The following SLC22A23 variants were observed in gnomAD, a reference collection of about 807,000 sequenced individuals.
The protein encoded by SLC22A23 is solute carrier family 22 member 23, also known as ion transporter protein.
Under a neutral mutation model 61.0 loss-of-function variants are expected in SLC22A23, and 26 were observed. The ratio of observed to expected loss-of-function variants is 0.43; its 90% CI spans 0.31 to 0.59. The LOEUF (loss-of-function observed/expected upper bound fraction) is 0.59, where lower values mean the gene tolerates loss of function less well. Ranked by LOEUF, SLC22A23 falls within the 20% of genes least tolerant of loss-of-function variation. SLC22A23 has a pLI of 0.11. For missense variants in SLC22A23, 796 were observed against 934.7 expected, an observed-to-expected ratio of 0.85 and a Z score of 1.94; for synonymous variants, 430 against 413.9, an observed-to-expected ratio of 1.04 and a Z score of -0.47.
At position 3,271,565 on chromosome 6, in the gene SLC22A23, T is replaced by A. The variant is rs1325296006; in HGVS notation, c.*1490A>T. ...GTCTCACCCAGGCCCGAGACCACAA[T>A]TTCCCTGGAAGGACACAGCCCATGG... On this transcript the variant is annotated 3_prime_UTR_variant, in exon 10 of 10. Coordinates refer to ENST00000406686, the MANE Select transcript of SLC22A23 (RefSeq NM_015482.2). The A allele has an allele frequency of 6.6e-6, 1 of 152,330 alleles. No individual in the cohort carries two copies. Among genetic ancestry groups the A allele is most frequent in the Non-Finnish European group, 1.5e-5 (1 of 68,050 alleles). 9.4% of individuals were successfully genotyped at this position (152,330 alleles called of 1,614,324 possible).
intron 3 of SLC22A23, among the ~76,000 whole-genome samples, chr6:3,403,797 C>T (rs1768605611): frequency 6.6e-6 from 1 of 152,186 alleles, no homozygotes; most frequent in African/African-American, 2.4e-5. Context: ...AATAGTTTTC[C>T]ATTTGTTTTG....
chr6:3,294,935 T>C (rs913497767), intron 5 of SLC22A23, among the ~76,000 whole-genome samples: 4 of 152,248 alleles, frequency 2.6e-5, no homozygotes, highest in African/African-American at 9.6e-5. Context: ...GCAGCCCCAC[T>C]GGACCCCTAC....
Position 3,415,979 on chromosome 6 carries a change from T to C in SLC22A23, c.655-124A>G, listed in dbSNP as rs1769670229. Reference sequence around the variant, plus strand: ...GCACCGTTGCCAGTACCATGCCATATACACCAGTCAGAGTCTCTTCCATGG... The same window carrying C: ...GCACCGTTGCCAGTACCATGCCATACACACCAGTCAGAGTCTCTTCCATGG... On this transcript the variant is annotated intron_variant, in intron 1 of 9. Transcript: ENST00000406686. 1.1e-5 allele frequency: 7 copies of C among 631,594 alleles called. No individual in the cohort carries two copies. In the South Asian group the frequency reaches 1.3e-4, roughly 12 times the overall value. The allele number at this position is 631,594 out of a possible 1,614,324, so 39.1% of individuals were successfully genotyped here. A position where few individuals can be genotyped will look rare whatever the true frequency, so the allele number is the denominator to read the frequency against.
At position 3,454,262 on chromosome 6, in the gene SLC22A23, T is replaced by A. The variant is rs1772287463; in HGVS notation, c.654+1644A>T. 6.6e-6 allele frequency among the ~76,000 whole-genome samples: 1 copy of A among 152,124 alleles called. No homozygotes were observed. Among genetic ancestry groups the A allele is most frequent in the Non-Finnish European group, 1.5e-5 (1 of 68,032 alleles). ...AAACTGCCCAGCTCTCCAATATGCCTCCATAGTCTGCTTTTAAGAACTATT... is the reference window on the plus strand; with the variant it reads ...AAACTGCCCAGCTCTCCAATATGCCACCATAGTCTGCTTTTAAGAACTATT... On this transcript the variant is annotated intron_variant, in intron 1 of 9. Coordinates refer to ENST00000406686, the MANE Select transcript of SLC22A23 (RefSeq NM_015482.2). The surrounding 1 kb of genome is among the most constrained non-coding windows in gnomAD (Gnocchi z 4.3).
intron 9 of SLC22A23, among the ~76,000 whole-genome samples, chr6:3,274,476 G>A (rs182301506): frequency 7.9e-5 from 12 of 152,286 alleles, no homozygotes; most frequent in South Asian, 4.1e-4. Context: ...TGGGCTGCTC[G>A]TTAGGCACCC....
In SLC22A23 at chr6:3,289,491, C is replaced by A. The variant is rs545886731; in HGVS notation, c.1313+273G>T. Among the ~76,000 whole-genome samples, 11 of 152,348 alleles carry A rather than the reference C, an allele frequency of 7.2e-5. No homozygotes were observed. The South Asian group carries it at 2.3e-3, about 32-fold the overall frequency. On this transcript the variant is annotated intron_variant, in intron 6 of 9. Coordinates refer to ENST00000406686, the MANE Select transcript of SLC22A23 (RefSeq NM_015482.2). Reference sequence around the variant, plus strand: ...CCCCCACTGTGCCCCTGAGGAGGTGCGTCCATGTGCATCTTGGTTTCCTGG... The same window carrying A: ...CCCCCACTGTGCCCCTGAGGAGGTGAGTCCATGTGCATCTTGGTTTCCTGG...
intron 3 of SLC22A23, among the ~76,000 whole-genome samples, chr6:3,403,312 G>A (rs1348047798): frequency 1.3e-5 from 2 of 151,318 alleles, no homozygotes; most frequent in Admixed American, 1.3e-4. Context: ...GGTCGACTCA[G>A]CTTTTAGCTT....
chr6:3,413,344 C>CT (rs1482970112), intron 2 of SLC22A23, among the ~76,000 whole-genome samples: 2 of 152,184 alleles, frequency 1.3e-5, no homozygotes, highest in Non-Finnish European at 2.9e-5. Context: ...CCTGACCTCA[C>CT]TCTCTTCTCC....
At chr6:3,403,469 T>C (rs1271068726) in intron 3 of SLC22A23, among the ~76,000 whole-genome samples, 1 of 152,080 alleles carries the variant, frequency 6.6e-6, no homozygotes, top group Non-Finnish European at 1.5e-5. Context: ...GGCAAGGTTG[T>C]TGACATGAGG....
At chr6:3,279,850 G>A (rs149112641) in intron 9 of SLC22A23, among the ~76,000 whole-genome samples, 34 of 152,220 alleles carry the variant, frequency 2.2e-4, no homozygotes, top group Middle Eastern at 3.4e-3. Context: ...ATACCCACGG[G>A]ATATCTTTAT....
In SLC22A23 at chr6:3,327,953, A is replaced by G. The variant is rs1350947917; in HGVS notation, c.914-3951T>C. Reference sequence around the variant, plus strand: ...CTTGTGGTGTCATTTAGGTGCTCAAAAAGTTTCAGATTCTAGAGCATTTCA... The same window carrying G: ...CTTGTGGTGTCATTTAGGTGCTCAAGAAGTTTCAGATTCTAGAGCATTTCA... On this transcript the variant is annotated intron_variant, in intron 3 of 9. Coordinates refer to ENST00000406686, the MANE Select transcript of SLC22A23 (RefSeq NM_015482.2). The surrounding 1 kb of genome is among the most constrained non-coding windows in gnomAD (Gnocchi z 4.1). Among the ~76,000 whole-genome samples the G allele has an allele frequency of 6.6e-6, 1 of 152,144 alleles. No individual in the cohort carries two copies. Among genetic ancestry groups the G allele is most frequent in the Non-Finnish European group, 1.5e-5 (1 of 68,028 alleles).
At chr6:3,321,307 A>G (rs1762933225) in intron 4 of SLC22A23, among the ~76,000 whole-genome samples, 1 of 152,252 alleles carries the variant, frequency 6.6e-6, no homozygotes, top group African/African-American at 2.4e-5. Flanking sequence ...AGCTCTACCC[A>G]GACTGCAGAG....
At chr6:3,364,132 TAGAA>T (rs796502442) in intron 3 of SLC22A23, among the ~76,000 whole-genome samples, 9 of 152,364 alleles carry the variant, frequency 5.9e-5, no homozygotes, top group African/African-American at 2.2e-4. Context: ...TCAAAGGTAA[TAGAA>T]AGCTCATTAT....
chr6:3,404,877 C>T (rs912860247), intron 3 of SLC22A23, among the ~76,000 whole-genome samples: 2 of 151,908 alleles, frequency 1.3e-5, no homozygotes, highest in African/African-American at 4.8e-5. Flanking sequence ...AGAAAATGAC[C>T]AATGGAGAGA....
At chr6:3,417,152 T>G (rs139801393) in intron 1 of SLC22A23, among the ~76,000 whole-genome samples, 12 of 152,242 alleles carry the variant, frequency 7.9e-5, no homozygotes, top group African/African-American at 2.4e-4. Flanking sequence ...TGTCAGTGGA[T>G]GCAGGGAAAG....
chr6:3,374,652 A>C (rs1766444850), intron 3 of SLC22A23, among the ~76,000 whole-genome samples: 1 of 152,176 alleles, frequency 6.6e-6, no homozygotes, highest in Non-Finnish European at 1.5e-5. Flanking sequence ...GAAAGTGAGG[A>C]TTTGGGAAGA....
At chr6:3,276,166 CTT>C (rs199820649) in intron 9 of SLC22A23, among the ~76,000 whole-genome samples, 3,370 of 152,298 alleles carry the variant, frequency 0.022, 90 homozygotes, top group Middle Eastern at 0.065. Flanking sequence ...AGAGAAGACA[CTT>C]TGCTCTGCCT....
chr6:3,306,251 C>T (rs75640444), intron 4 of SLC22A23, among the ~76,000 whole-genome samples: 10 of 152,174 alleles, frequency 6.6e-5, no homozygotes, highest in South Asian at 2.1e-4. Context: ...AAGGGGTCCA[C>T]CCCCGTGACC....
rs2127398327 is a variant in SLC22A23 at position 3,322,931 on chromosome 6, G to C, written c.1082+903C>G. Among the ~76,000 whole-genome samples, 1 of 152,288 alleles carries C rather than the reference G, an allele frequency of 6.6e-6. No homozygotes were observed. The highest frequency in any genetic ancestry group is 2.1e-4 in the South Asian group (1 of 4,820). ...AGAGTATCAGCATGGAGAGGGATGG[G>C]AAGGAAGGGAAAGGATGAAAAACAG... On this transcript the variant is annotated intron_variant, in intron 4 of 9. Transcript: ENST00000406686. This position sits in a 1 kb window ranked among gnomAD's most constrained non-coding sequence, Gnocchi z 4.1.
Sources: allele counts gnomAD v4.1 joint callset (sites outside exome capture counted in the v4.1 genomes callset), GRCh38; gene constraint gnomAD v4.1.1; non-coding constraint Gnocchi (gnomAD v3.1); transcripts MANE v1.5; gene names NCBI Gene and HGNC (gene_info 2026-07-23, HGNC 2026-07-21).